Variants in LRRTM4 observed in about 807,000 individuals in gnomAD.
LRRTM4 encodes leucine rich repeat transmembrane neuronal 4.
Under a neutral mutation model 47.6 loss-of-function variants are expected in LRRTM4, and 25 were observed. That is an observed-to-expected ratio of 0.53 (90% confidence interval 0.38 to 0.73). LRRTM4 has a LOEUF of 0.73. Ranked by LOEUF, LRRTM4 falls within the 30% of genes least tolerant of loss-of-function variation. The pLI is 0.00. For synonymous variants in LRRTM4, 311 were observed against 269.5 expected (o/e 1.15, Z -1.51); for missense variants, 638 against 713.4 (o/e 0.89, Z 1.20).
intron 3 of LRRTM4, among the ~76,000 whole-genome samples, chr2:77,039,101 CAAGGG>C (rs1448258328): frequency 2.0e-5 from 3 of 150,840 alleles, no homozygotes; most frequent in Non-Finnish European, 4.5e-5. Flanking sequence ...ATAAATTGAT[CAAGGG>C]AAGTAATTAA....
intron 3 of LRRTM4, among the ~76,000 whole-genome samples, chr2:76,907,294 C>G (rs897624329): frequency 1.7e-5 from 2 of 119,224 alleles, no homozygotes; most frequent in Non-Finnish European, 3.6e-5. Flanking sequence ...TTTGAAACCA[C>G]GAGAACAAAG....
At chr2:76,934,700 G>C (rs1573334495) in intron 3 of LRRTM4, among the ~76,000 whole-genome samples, 1 of 152,170 alleles carries the variant, frequency 6.6e-6, no homozygotes, top group Non-Finnish European at 1.5e-5. Flanking sequence ...GCATGAGTTG[G>C]AAACAGCTCA....
chr2:77,328,568 T>C (rs1356747535), intron 3 of LRRTM4, among the ~76,000 whole-genome samples: 1 of 152,170 alleles, frequency 6.6e-6, no homozygotes, highest in Non-Finnish European at 1.5e-5. Flanking sequence ...GGCCACAGTT[T>C]GAGGATATAA....
chr2:76,843,267 A>C (rs1369398514), intron 3 of LRRTM4, among the ~76,000 whole-genome samples: 1 of 152,160 alleles, frequency 6.6e-6, no homozygotes, highest in Non-Finnish European at 1.5e-5. Flanking sequence ...TCCAGGGTCT[A>C]TTCTTTTGTA....
intron 3 of LRRTM4, among the ~76,000 whole-genome samples, chr2:77,256,646 C>T (rs977462157): frequency 3.0e-4 from 46 of 152,236 alleles, no homozygotes; most frequent in African/African-American, 9.1e-4. Flanking sequence ...CCTTGCCTTC[C>T]GCCATGATTG....
chr2:77,485,951 C>T (rs915598283), intron 3 of LRRTM4, among the ~76,000 whole-genome samples: 1 of 151,542 alleles, frequency 6.6e-6, no homozygotes, highest in Non-Finnish European at 1.5e-5. Flanking sequence ...TTTGCCCAGG[C>T]GGGTCTCCAA....
chr2:77,166,444 G>A (rs1467143438), intron 3 of LRRTM4, among the ~76,000 whole-genome samples: 1 of 152,020 alleles, frequency 6.6e-6, no homozygotes, highest in African/African-American at 2.4e-5. Context: ...TCACAGAGTT[G>A]GAAAAAACTA....
chr2:77,144,735 C>A (rs1672211049), intron 3 of LRRTM4, among the ~76,000 whole-genome samples: 1 of 152,008 alleles, frequency 6.6e-6, no homozygotes, highest in Middle Eastern at 3.4e-3. Context: ...TGTGTGATAG[C>A]CTATAGACTA....
chr2:76,830,170 A>C (rs1006633836), intron 3 of LRRTM4, among the ~76,000 whole-genome samples: 4 of 152,062 alleles, frequency 2.6e-5, no homozygotes, highest in African/African-American at 9.7e-5. Context: ...TTCACAGGAG[A>C]ATCTTAGCAA....
At chr2:76,861,424 A>G (rs531150680) in intron 3 of LRRTM4, among the ~76,000 whole-genome samples, 47 of 152,208 alleles carry the variant, frequency 3.1e-4, no homozygotes, top group African/African-American at 1.1e-3. Flanking sequence ...TCCAAGACGA[A>G]TGGAATTGTT....
chr2:77,118,310 AG>A (rs1446682897), intron 3 of LRRTM4, among the ~76,000 whole-genome samples: 1 of 151,980 alleles, frequency 6.6e-6, no homozygotes, highest in Non-Finnish European at 1.5e-5. Context: ...CATAATATCG[AG>A]AAAAAAAAGA....
At chr2:77,012,782 A>C (rs1405435640) in intron 3 of LRRTM4, among the ~76,000 whole-genome samples, 1 of 152,218 alleles carries the variant, frequency 6.6e-6, no homozygotes, top group Non-Finnish European at 1.5e-5. Context: ...AAATAAGGTA[A>C]GAAAAGCAGA....
At chr2:76,844,976 A>T (rs1304778175) in intron 3 of LRRTM4, among the ~76,000 whole-genome samples, 2 of 152,174 alleles carry the variant, frequency 1.3e-5, no homozygotes, top group African/African-American at 4.8e-5. Context: ...GTATGGCAGG[A>T]TTGCAAATAT....
intron 3 of LRRTM4, among the ~76,000 whole-genome samples, chr2:77,307,531 A>G (rs1488771755): frequency 7.1e-6 from 1 of 140,406 alleles, no homozygotes; most frequent in African/African-American, 2.6e-5. Flanking sequence ...GATATATAAT[A>G]TATAGATATA....
intron 3 of LRRTM4, among the ~76,000 whole-genome samples, chr2:76,771,587 C>G (rs1022719104): frequency 6.6e-6 from 1 of 150,774 alleles, no homozygotes; most frequent in Non-Finnish European, 1.5e-5. Context: ...AAAACACTTG[C>G]CTGAAGCAGC....
intron 3 of LRRTM4, among the ~76,000 whole-genome samples, chr2:77,139,365 G>C (rs2103755419): frequency 6.6e-6 from 1 of 152,172 alleles, no homozygotes; most frequent in Non-Finnish European, 1.5e-5. Flanking sequence ...CAGAACGAAA[G>C]ACAAAAGCCA....
At chr2:77,049,122 T>TTTATATATATA (rs1553377413) in intron 3 of LRRTM4, among the ~76,000 whole-genome samples, 2 of 62,684 alleles carry the variant, frequency 3.2e-5, no homozygotes, top group African/African-American at 1.8e-4. Flanking sequence ...ATTTCATTTT[T>TTTATATATATA]TATATATATA....
At chr2:76,909,068 G>GCATCGC (rs1673954693) in intron 3 of LRRTM4, among the ~76,000 whole-genome samples, 1 of 152,130 alleles carries the variant, frequency 6.6e-6, no homozygotes. Flanking sequence ...AAAGCTGGAG[G>GCATCGC]CATCACACTA....
At chr2:77,354,823 C>A (rs1026916490) in intron 3 of LRRTM4, among the ~76,000 whole-genome samples, 25 of 152,264 alleles carry the variant, frequency 1.6e-4, no homozygotes, top group African/African-American at 5.8e-4. Flanking sequence ...AATCTACAGG[C>A]AAATGGCAGT....
Sources: gnomAD v4.1 joint callset for allele counts (sites outside exome capture counted in the v4.1 genomes callset) on GRCh38, gnomAD v4.1.1 for gene constraint, MANE v1.5 for transcripts, NCBI Gene and HGNC (gene_info 2026-07-23, HGNC 2026-07-21) for gene names.